Variants in SPSB1 observed in about 807,000 individuals in gnomAD.
The protein encoded by SPSB1 is SPRY domain-containing SOCS box protein 1.
SPSB1 carries 8 observed loss-of-function variants against 21.2 expected under a neutral mutation model. That is an observed-to-expected ratio of 0.38 (90% confidence interval 0.22 to 0.68). SPSB1 has a LOEUF of 0.68. SPSB1 is among the 30% of genes least tolerant of loss of function. SPSB1 has a pLI of 0.53. For synonymous variants in SPSB1, 169 were observed against 161.7 expected, an observed-to-expected ratio of 1.05 and a Z score of -0.34; for missense variants, 242 against 377.8, an observed-to-expected ratio of 0.64 and a Z score of 2.98.
At chr1:9,358,031 G>C (rs1640403170) in intron 2 of SPSB1, among the ~76,000 whole-genome samples, 1 of 152,064 alleles carries the variant, frequency 6.6e-6, no homozygotes, top group African/African-American at 2.4e-5. Context: ...GGGGGGTGAG[G>C]CCCCCCACCA....
chr1:9,301,218 A>G (rs1032030544), intron 1 of SPSB1, among the ~76,000 whole-genome samples: 2 of 152,192 alleles, frequency 1.3e-5, no homozygotes, highest in Non-Finnish European at 2.9e-5. Context: ...GGCCTGGCAT[A>G]GTGGCTCACA....
intron 1 of SPSB1, among the ~76,000 whole-genome samples, chr1:9,333,652 G>A (rs769078485): frequency 3.3e-5 from 5 of 152,154 alleles, no homozygotes; most frequent in African/African-American, 4.8e-5. Flanking sequence ...TTCCTGAAGC[G>A]CCTGCGGTGT....
At chr1:9,349,100 C>T (rs1640210290) in intron 1 of SPSB1, among the ~76,000 whole-genome samples, 1 of 152,168 alleles carries the variant, frequency 6.6e-6, no homozygotes, top group East Asian at 1.9e-4. Flanking sequence ...TCCCCCTCCT[C>T]CAGAGCTTTT....
rs184722128 is a variant in SPSB1, at chr1:9,313,315, G to A, written c.-150+20244G>A. Among the ~76,000 whole-genome samples the A allele has an allele frequency of 2.7e-3, 410 of 152,220 alleles. 2 individuals carry two copies. The highest frequency in any genetic ancestry group is 9.3e-3 in the African/African-American group (385 of 41,528). On this transcript the variant is annotated intron_variant, in intron 1 of 2. Transcript: ENST00000328089. ...CTTGGGAGGCTGAGGCAGGAAAATC[G>A]CTTGGACCCGGGAGGCAGAGGCTGC...
chr1:9,302,290 C>G (rs1049433301), intron 1 of SPSB1, among the ~76,000 whole-genome samples: 1 of 152,216 alleles, frequency 6.6e-6, no homozygotes, highest in Non-Finnish European at 1.5e-5. Context: ...GATGGTAAAG[C>G]ATTGATTATT....
At chr1:9,325,295 C>A (rs1639800675) in intron 1 of SPSB1, among the ~76,000 whole-genome samples, 2 of 152,044 alleles carry the variant, frequency 1.3e-5, no homozygotes, top group Non-Finnish European at 2.9e-5. Flanking sequence ...TCCTCACCAG[C>A]CCTGCACACT....
At chr1:9,326,067 T>C (rs1044572563) in intron 1 of SPSB1, among the ~76,000 whole-genome samples, 5 of 151,844 alleles carry the variant, frequency 3.3e-5, no homozygotes, top group Non-Finnish European at 2.9e-5. Flanking sequence ...CACCCCTGCA[T>C]GTCCCTTAGT....
intron 2 of SPSB1, among the ~76,000 whole-genome samples, chr1:9,361,026 A>G (rs1206366185): frequency 6.6e-6 from 1 of 152,116 alleles, no homozygotes; most frequent in Admixed American, 6.6e-5. Context: ...CCGTCCCGGG[A>G]GAGTTGGCTT....
chr1:9,315,504 C>T (rs1269266802), intron 1 of SPSB1, among the ~76,000 whole-genome samples: 1 of 152,252 alleles, frequency 6.6e-6, no homozygotes, highest in Admixed American at 6.5e-5. Flanking sequence ...TGGAGAGGCT[C>T]GAGTCACATG....
At chr1:9,296,823 A>G (rs1639233983) in intron 1 of SPSB1, among the ~76,000 whole-genome samples, 1 of 152,158 alleles carries the variant, frequency 6.6e-6, no homozygotes, top group South Asian at 2.1e-4. Context: ...CAAAGGGAGG[A>G]TGGCAAAACC....
Position 9,293,072 on chromosome 1 carries a change from G to C in SPSB1, c.-150+1G>C. ...CGGCGGCGGCGGCACCCCGGGCGCGGTAGGCGGCGCGGGGCACCTGGGACC... is the reference window on the plus strand; with the variant it reads ...CGGCGGCGGCGGCACCCCGGGCGCGCTAGGCGGCGCGGGGCACCTGGGACC... On this transcript the variant is annotated splice_donor_variant, in intron 1 of 2. Coordinates refer to ENST00000328089, the MANE Select transcript of SPSB1 (RefSeq NM_025106.4). LOFTEE classifies it low-confidence loss of function (5UTR_SPLICE). This position sits in a 1 kb window ranked among gnomAD's most constrained non-coding sequence, Gnocchi z 5.1. 1 of 979,928 alleles carries C rather than the reference G, an allele frequency of 1.0e-6. No individual in the cohort carries two copies. Among genetic ancestry groups the C allele is most frequent in the Non-Finnish European group, 1.2e-6 (1 of 826,342 alleles). The allele number at this position is 979,928 out of a possible 1,614,324, so 60.7% of individuals were successfully genotyped here. A position where few individuals can be genotyped will look rare whatever the true frequency, so the allele number is the denominator to read the frequency against.
chr1:9,347,997 T>C (rs1640192102), intron 1 of SPSB1, among the ~76,000 whole-genome samples: 1 of 149,470 alleles, frequency 6.7e-6, no homozygotes, highest in South Asian at 2.1e-4. Context: ...CAGGTTCGAG[T>C]GCAGTGGTGC....
intron 1 of SPSB1, among the ~76,000 whole-genome samples, chr1:9,334,736 C>G (rs569345595): frequency 7.1e-4 from 108 of 152,324 alleles, no homozygotes; most frequent in African/African-American, 2.3e-3. Context: ...AACCACCATT[C>G]AACTTTCTGT....
intron 2 of SPSB1, among the ~76,000 whole-genome samples, chr1:9,358,919 GT>G (rs369721097): frequency 5.9e-5 from 9 of 152,374 alleles, no homozygotes; most frequent in Middle Eastern, 3.4e-3. Flanking sequence ...GCAGACACAT[GT>G]CCTGTGAATA....
In SPSB1 at chr1:9,309,516, G is replaced by A. The variant is rs184299870; in HGVS notation, c.-150+16445G>A. Among the ~76,000 whole-genome samples, 39 of 152,116 alleles carry A rather than the reference G, an allele frequency of 2.6e-4. 1 individual carries two copies. Among genetic ancestry groups the A allele is most frequent in the African/African-American group, 8.9e-4 (37 of 41,482 alleles). On this transcript the variant is annotated intron_variant, in intron 1 of 2. Coordinates refer to ENST00000328089, the MANE Select transcript of SPSB1 (RefSeq NM_025106.4). ...AAAGTTTTTGTAGAGATGGGGTCTCGCCATGTTGCCTAGGCTCTCCCTTGC... is the reference window on the plus strand; with the variant it reads ...AAAGTTTTTGTAGAGATGGGGTCTCACCATGTTGCCTAGGCTCTCCCTTGC...
intron 1 of SPSB1, among the ~76,000 whole-genome samples, chr1:9,322,068 CG>C (rs540599362): frequency 4.9e-4 from 74 of 152,232 alleles, no homozygotes; most frequent in African/African-American, 1.7e-3. Context: ...GTGCACTCCC[CG>C]AGCACCCATC....
At chr1:9,334,160 G>C (rs372947811) in intron 1 of SPSB1, among the ~76,000 whole-genome samples, 1 of 151,892 alleles carries the variant, frequency 6.6e-6, no homozygotes, top group Non-Finnish European at 1.5e-5. Flanking sequence ...ATCTCGGCTC[G>C]TTGCAACTTC....
intron 2 of SPSB1, among the ~76,000 whole-genome samples, chr1:9,366,333 T>C (rs901957192): frequency 6.6e-6 from 1 of 152,220 alleles, no homozygotes; most frequent in African/African-American, 2.4e-5. Flanking sequence ...TCAGCCTCAC[T>C]GTCAGACAGA....
Position 9,363,851 on chromosome 1 carries a change from C to T in SPSB1, c.695-3597C>T, listed in dbSNP as rs750893858. Among the ~76,000 whole-genome samples, 56 of 152,288 alleles carry T rather than the reference C, an allele frequency of 3.7e-4. No homozygotes were observed. Among genetic ancestry groups the T allele is most frequent in the Middle Eastern group, 3.4e-3 (1 of 294 alleles). On this transcript the variant is annotated intron_variant, in intron 2 of 2. Transcript: ENST00000328089. The surrounding 1 kb of genome is among the most constrained non-coding windows in gnomAD (Gnocchi z 4.5). The stretch of plus-strand genomic sequence containing the variant: ...AAGTAGCTGGGACTACAGGCATGCA[C>T]GACCACACCCAGCTAATTTTTGTAT...
Sources: gnomAD v4.1 joint callset for allele counts (sites outside exome capture counted in the v4.1 genomes callset) on GRCh38, gnomAD v4.1.1 for gene constraint, Gnocchi (gnomAD v3.1) non-coding constraint, MANE v1.5 for transcripts, NCBI Gene and HGNC (gene_info 2026-07-23, HGNC 2026-07-21) for gene names.